The following DSCAML1 variants were observed in gnomAD, a reference collection of about 807,000 sequenced individuals.
DSCAML1 encodes cell adhesion molecule DSCAML1.
Under a neutral mutation model 200.5 loss-of-function variants are expected in DSCAML1, and 38 were observed. The ratio of observed to expected loss-of-function variants is 0.19; its 90% CI spans 0.15 to 0.25. The LOEUF (loss-of-function observed/expected upper bound fraction) is 0.25, where lower values mean the gene tolerates loss of function less well. Among genes scored for constraint, DSCAML1 ranks in the 10% least tolerant of loss-of-function variants. The probability of loss-of-function intolerance (pLI) is 1.00; values close to 1 mark genes in which losing one functional copy is unlikely to be tolerated. For missense variants in DSCAML1, 2,223 were observed against 2,858.8 expected, an observed-to-expected ratio of 0.78 and a Z score of 5.07; for synonymous variants, 1,215 against 1,165.0, an observed-to-expected ratio of 1.04 and a Z score of -0.87.
intron 3 of DSCAML1, among the ~76,000 whole-genome samples, chr11:117,547,189 G>C (rs1318072926): frequency 6.6e-6 from 1 of 152,130 alleles, no homozygotes; most frequent in East Asian, 1.9e-4. Flanking sequence ...CCCAGCCGGG[G>C]GCGACAGCCT....
In DSCAML1 at chr11:117,602,405, C is replaced by T. The variant is rs148087414; in HGVS notation, c.512-69883G>A. ...AGACTGGGTCTCACTGTGTCACCCA[C>T]GCTGCAGTGCAAAGGTGCAATCTCA... On this transcript the variant is annotated intron_variant, in intron 3 of 32. Coordinates refer to ENST00000651296, the MANE Select transcript of DSCAML1 (RefSeq NM_020693.4). Among the ~76,000 whole-genome samples the T allele has an allele frequency of 1.7e-3, 260 of 152,258 alleles. 1 individual carries two copies. Among genetic ancestry groups the T allele is most frequent in the African/African-American group, 5.8e-3 (239 of 41,556 alleles).
chr11:117,792,004 A>G (rs1006291682), intron 1 of DSCAML1, among the ~76,000 whole-genome samples: 4 of 152,236 alleles, frequency 2.6e-5, no homozygotes, highest in African/African-American at 9.6e-5. Flanking sequence ...ATGTGAATGA[A>G]AGATTTGCCT....
intron 3 of DSCAML1, among the ~76,000 whole-genome samples, chr11:117,775,607 TCTC>T (rs1295603780): frequency 6.6e-6 from 1 of 151,884 alleles, no homozygotes; most frequent in African/African-American, 2.4e-5. Flanking sequence ...TCAAAGAAAG[TCTC>T]CTGCTGCATT....
intron 19 of DSCAML1, among the ~76,000 whole-genome samples, chr11:117,456,171 C>G (rs2048364664): frequency 6.6e-6 from 1 of 152,198 alleles, no homozygotes; most frequent in South Asian, 2.1e-4. Context: ...CCTCTTCTCA[C>G]TCTGAACTCT....
In DSCAML1 at chr11:117,428,365, C is replaced by T. The variant is rs2047704798; in HGVS notation, c.6125G>A (p.Gly2042Glu). 1.3e-6 allele frequency: 2 copies of T among 1,588,034 alleles called. No homozygotes were observed. The highest frequency in any genetic ancestry group is 1.7e-6 in the Non-Finnish European group (2 of 1,166,004). Residue 2042 changes from glycine to glutamate, a missense_variant, in exon 33 of 33, where the codon GGG becomes GAG. By Grantham distance (98) the Gly-to-Glu change is moderately conservative. This residue lies in a region of DSCAML1 where 280 missense variants were observed against 213.4 expected (regional missense o/e 1.31). Coordinates refer to ENST00000651296, the MANE Select transcript of DSCAML1 (RefSeq NM_020693.4). ...GTAGGATTTGGAGTAGGCCCCGGCC[C>T]CCTGCTTCTGAGACCTCCCTACCCC... ...TSGVGRSQKQ[G>E]AGAYSKSYTL...
At chr11:117,812,508 T>A (rs936689112) in intron 1 of DSCAML1, among the ~76,000 whole-genome samples, 12 of 152,014 alleles carry the variant, frequency 7.9e-5, no homozygotes, top group African/African-American at 2.9e-4. Flanking sequence ...ATTATTCTGT[T>A]CTGGATCTCA....
In DSCAML1 at chr11:117,521,258, G is replaced by C. The variant is rs2049881634; in HGVS notation, c.1085C>G (p.Ser362Cys). ...TELVLPDEAI[S>C]IRGLSNETLL... ...CGTCTCGTTGCTGAGCCCGCGGATG[G>C]AGATGGCCTCGTCAGGCAGCACCAG... is the stretch of plus-strand genomic sequence containing the variant. Residue 362 changes from serine (S) to cysteine (C), a missense_variant, in exon 6 of 33, where the codon TCC (serine) becomes TGC (cysteine). Coordinates refer to ENST00000651296, the MANE Select transcript of DSCAML1 (RefSeq NM_020693.4). The C allele has an allele frequency of 1.2e-6, 2 of 1,614,178 alleles. No homozygotes were observed. Among genetic ancestry groups the C allele is most frequent in the African/African-American group, 2.7e-5 (2 of 75,072 alleles).
At chr11:117,637,460 C>A (rs898474872) in intron 3 of DSCAML1, among the ~76,000 whole-genome samples, 2 of 151,934 alleles carry the variant, frequency 1.3e-5, no homozygotes, top group East Asian at 3.9e-4. Context: ...ATTCTCCTGC[C>A]TCAGCCTCCC....
In DSCAML1 at chr11:117,505,762, G is replaced by A. The variant is rs766539168; in HGVS notation, c.1784-30C>T. 6.3e-7 allele frequency: 1 copy of A among 1,590,486 alleles called. No individual in the cohort carries two copies. The highest frequency in any genetic ancestry group is 2.2e-5 in the East Asian group (1 of 44,498). ...GAAGGCAAGCGGGTGCTGCCGTCAG[G>A]ACCCTGTGCATTCTCACCTGGCCGC... is the stretch of plus-strand genomic sequence containing the variant. On this transcript the variant is annotated intron_variant, in intron 8 of 32. Transcript: ENST00000651296. The surrounding 1 kb of genome is among the most constrained non-coding windows in gnomAD (Gnocchi z 6.7).
intron 3 of DSCAML1, among the ~76,000 whole-genome samples, chr11:117,544,114 T>C (rs1393948778): frequency 6.6e-6 from 1 of 152,140 alleles, no homozygotes; most frequent in African/African-American, 2.4e-5. Flanking sequence ...AAAAAATCGT[T>C]GTCTCTCTTG....
chr11:117,588,128 C>T (rs1243881819), intron 3 of DSCAML1, among the ~76,000 whole-genome samples: 1 of 152,192 alleles, frequency 6.6e-6, no homozygotes, highest in East Asian at 1.9e-4. Context: ...TCCACTGTCA[C>T]CCCGATTTTA....
At chr11:117,787,990 T>A (rs978087933) in intron 1 of DSCAML1, among the ~76,000 whole-genome samples, 6 of 152,144 alleles carry the variant, frequency 3.9e-5, no homozygotes, top group Non-Finnish European at 8.8e-5. Context: ...TCCCACCGGC[T>A]CACCCACCAA....
intron 3 of DSCAML1, chr11:117,668,570 A>C (rs2053028957): frequency 6.6e-6 from 1 of 152,250 alleles, no homozygotes; most frequent in South Asian, 2.1e-4. Flanking sequence ...GATGCTGGCA[A>C]GTGAGCCCAG....
intron 16 of DSCAML1, 24 bp from the exon 17 acceptor site, chr11:117,465,206 G>A: frequency 6.4e-7 from 1 of 1,566,158 alleles, no homozygotes; most frequent in Non-Finnish European, 8.8e-7. Context: ...GTGGGGGTGG[G>A]CACAAAGAAA....
Position 117,773,399 on chromosome 11 carries a change from C to T in DSCAML1, c.511+3392G>A, listed in dbSNP as rs932535176. On this transcript the variant is annotated intron_variant, in intron 3 of 32. Coordinates refer to ENST00000651296, the MANE Select transcript of DSCAML1 (RefSeq NM_020693.4). ...AAAGTCAACACAGTTCCTCTGGCTC[C>T]GGAAGCTGATCCTGAAGTGTCAGAG... Among the ~76,000 whole-genome samples the T allele has an allele frequency of 2.0e-5, 3 of 152,062 alleles. No homozygotes were observed. In the East Asian group the frequency reaches 5.8e-4, roughly 29 times the overall value.
chr11:117,452,802 T>G (rs115511369), intron 19 of DSCAML1, among the ~76,000 whole-genome samples: 4,099 of 152,326 alleles, frequency 0.027, 192 homozygotes, highest in African/African-American at 0.092. Context: ...CCATAATAGA[T>G]TACAACATGA....
At chr11:117,566,379 GCT>G (rs1416677735) in intron 3 of DSCAML1, among the ~76,000 whole-genome samples, 3 of 123,952 alleles carry the variant, frequency 2.4e-5, no homozygotes, top group Non-Finnish European at 3.3e-5. Flanking sequence ...CTAGGGCCTT[GCT>G]CTGTTACCCA....
intron 3 of DSCAML1, among the ~76,000 whole-genome samples, chr11:117,639,764 G>A (rs2052365871): frequency 6.6e-6 from 1 of 152,114 alleles, no homozygotes; most frequent in Non-Finnish European, 1.5e-5. Flanking sequence ...TGCCCAGTAT[G>A]AGAGAACTGG....
chr11:117,571,947 G>A (rs969782692), intron 3 of DSCAML1, among the ~76,000 whole-genome samples: 24 of 152,156 alleles, frequency 1.6e-4, no homozygotes, highest in Admixed American at 5.2e-4. Context: ...TCCCACCAGC[G>A]CCAATACAGT....
Sources: gnomAD v4.1 joint callset for allele counts (sites outside exome capture counted in the v4.1 genomes callset) on GRCh38, gnomAD v4.1.1 for gene constraint, gnomAD v4.1.1 regional missense constraint, Gnocchi (gnomAD v3.1) non-coding constraint, MANE v1.5 for transcripts, NCBI Gene and HGNC (gene_info 2026-07-23, HGNC 2026-07-21) for gene names.